The following LAMC1 variants were observed in gnomAD, a reference collection of about 807,000 sequenced individuals.
LAMC1 encodes the protein laminin subunit gamma-1.
LAMC1 carries 38 observed loss-of-function variants against 173.6 expected under a neutral mutation model. The observed-to-expected ratio is 0.22, with a 90% confidence interval of 0.17 to 0.29. The LOEUF is 0.29. Among genes scored for constraint, LAMC1 ranks in the 10% least tolerant of loss-of-function variants. The pLI is 1.00. For missense variants in LAMC1, 1,824 were observed against 2,051.8 expected (o/e 0.89, Z 2.14); for synonymous variants, 746 against 749.1 (o/e 1.00, Z 0.07).
At chr1:183,075,307 G>A (rs1309224510) in intron 1 of LAMC1, among the ~76,000 whole-genome samples, 1 of 151,970 alleles carries the variant, frequency 6.6e-6, no homozygotes, top group Non-Finnish European at 1.5e-5. Context: ...ACAAGGACAG[G>A]GTTTCGCCAT....
Position 183,134,639 on chromosome 1 carries a change from G to GAT in LAMC1, c.3850-20_3850-19dup, listed in dbSNP as rs765922398. 1.3e-4 allele frequency: 202 copies of GAT among 1,599,560 alleles called. 2 individuals are homozygous for GAT. Among genetic ancestry groups the GAT allele is most frequent in the Non-Finnish European group, 2.5e-5 (29 of 1,172,754 alleles). On this transcript the variant is annotated intron_variant, in intron 22 of 27. Coordinates refer to ENST00000258341, the MANE Select transcript of LAMC1 (RefSeq NM_002293.4). ...TTAAATGTTTTATCCAAAGTGTAGT[G>GAT]ATCTTACTTGCTTTTCACAGAATGA...
At position 183,142,720 on chromosome 1, in the gene LAMC1, G is replaced by T. The variant is rs771187282; in HGVS notation, c.4760G>T (p.Arg1587Leu). Reference sequence around the variant, plus strand: ...ATCGAGGAGATCATGAAGGACATTCGCAATCTGGAGGACATCAGGAAGACC... The same window carrying T: ...ATCGAGGAGATCATGAAGGACATTCTCAATCTGGAGGACATCAGGAAGACC... ...RDIEEIMKDIRNLEDIRKTLP... is the reference protein window; with the variant it reads ...RDIEEIMKDILNLEDIRKTLP... The change falls in exon 28 of 28, where the codon CGC becomes CTC. Residue 1587 changes from arginine to leucine, a missense_variant. Physicochemically the swap from Arg to Leu is moderately radical, Grantham distance 102. Transcript: ENST00000258341. 1.2e-6 allele frequency: 2 copies of T among 1,613,848 alleles called. No individual in the cohort carries two copies. Among genetic ancestry groups the T allele is most frequent in the Admixed American group, 1.7e-5 (1 of 59,980 alleles).
intron 1 of LAMC1, among the ~76,000 whole-genome samples, chr1:183,043,845 G>A (rs1411064115): frequency 1.3e-5 from 2 of 152,084 alleles, no homozygotes; most frequent in Non-Finnish European, 2.9e-5. Context: ...GCATAGTTTT[G>A]TGAGAAACCT....
chr1:183,074,299 C>A (rs1187586459), intron 1 of LAMC1, among the ~76,000 whole-genome samples: 6 of 152,128 alleles, frequency 3.9e-5, no homozygotes, highest in African/African-American at 9.7e-5. Context: ...ACGTACAACT[C>A]AGGAAATGCT....
chr1:183,119,554 C>A (rs1193626137), intron 11 of LAMC1, among the ~76,000 whole-genome samples: 1 of 151,956 alleles, frequency 6.6e-6, no homozygotes, highest in South Asian at 2.1e-4. Context: ...GGCAACATGG[C>A]GAAACCACAT....
intron 1 of LAMC1, among the ~76,000 whole-genome samples, chr1:183,054,214 T>C (rs1486360421): frequency 1.3e-5 from 2 of 152,230 alleles, no homozygotes; most frequent in African/African-American, 4.8e-5. Flanking sequence ...ATGCATGGTG[T>C]TGAGTGCTTT....
chr1:183,031,944 A>T (rs951814790), intron 1 of LAMC1, among the ~76,000 whole-genome samples: 1 of 151,868 alleles, frequency 6.6e-6, no homozygotes, highest in Non-Finnish European at 1.5e-5. Flanking sequence ...AGAAAAAAAA[A>T]CACATATGTA....
intron 18 of LAMC1, 36 bp from the exon 19 acceptor site, chr1:183,130,308 G>C: frequency 6.5e-7 from 1 of 1,543,474 alleles, no homozygotes; most frequent in Non-Finnish European, 9.0e-7. Flanking sequence ...ATCCTCTTCA[G>C]ATAATTTACA....
At chr1:183,135,580 T>A (rs1656914738) in intron 24 of LAMC1, among the ~76,000 whole-genome samples, 1 of 152,032 alleles carries the variant, frequency 6.6e-6, no homozygotes, top group African/African-American at 2.4e-5. Context: ...CTTTACAGGA[T>A]GCTTTACAGG....
chr1:183,131,957 A>G (rs1419869152), intron 20 of LAMC1, among the ~76,000 whole-genome samples: 2 of 152,228 alleles, frequency 1.3e-5, no homozygotes, highest in Admixed American at 1.3e-4. Flanking sequence ...CAAATGAATG[A>G]CGTTTTCTAA....
At chr1:183,081,087 C>G (rs1015014502) in intron 1 of LAMC1, among the ~76,000 whole-genome samples, 49 of 151,774 alleles carry the variant, frequency 3.2e-4, no homozygotes, top group African/African-American at 1.1e-3. Flanking sequence ...TGGGATTTCA[C>G]TATCTTGGCC....
intron 1 of LAMC1, among the ~76,000 whole-genome samples, chr1:183,100,463 C>T (rs1571439573): frequency 6.6e-6 from 1 of 152,154 alleles, no homozygotes; most frequent in Non-Finnish European, 1.5e-5. Flanking sequence ...TTCTAGCTAC[C>T]CTAGACAACT....
chr1:183,038,285 C>T (rs189011291), intron 1 of LAMC1, among the ~76,000 whole-genome samples: 4 of 152,254 alleles, frequency 2.6e-5, no homozygotes, highest in Non-Finnish European at 4.4e-5. Flanking sequence ...AGTCACCCAC[C>T]TAAAGTCCTG....
intron 25 of LAMC1, among the ~76,000 whole-genome samples, chr1:183,137,437 T>C (rs1206318651): frequency 6.6e-6 from 1 of 152,128 alleles, no homozygotes; most frequent in African/African-American, 2.4e-5. Flanking sequence ...AAGAAGAGGA[T>C]ACAAATGAAA....
At chr1:183,081,049 C>T (rs756200712) in intron 1 of LAMC1, among the ~76,000 whole-genome samples, 6 of 152,012 alleles carry the variant, frequency 3.9e-5, no homozygotes, top group African/African-American at 9.6e-5. Context: ...CCACCACGCC[C>T]GGCTAATTTT....
chr1:183,074,143 G>A (rs1266714342), intron 1 of LAMC1, among the ~76,000 whole-genome samples: 1 of 151,984 alleles, frequency 6.6e-6, no homozygotes, highest in Non-Finnish European at 1.5e-5. Flanking sequence ...TATTCAAATG[G>A]AATACATAGT....
chr1:183,059,051 A>T (rs1036922468), intron 1 of LAMC1, among the ~76,000 whole-genome samples: 2 of 152,228 alleles, frequency 1.3e-5, no homozygotes, highest in African/African-American at 4.8e-5. Context: ...TTTGTTATGC[A>T]TAGGCAGTTG....
intron 1 of LAMC1, among the ~76,000 whole-genome samples, chr1:183,052,851 C>G (rs891337633): frequency 3.9e-5 from 6 of 152,214 alleles, no homozygotes; most frequent in African/African-American, 1.4e-4. Flanking sequence ...AAATAAAACC[C>G]TTTATTTCCA....
At chr1:183,038,814 G>A (rs1018804494) in intron 1 of LAMC1, among the ~76,000 whole-genome samples, 2 of 152,110 alleles carry the variant, frequency 1.3e-5, no homozygotes, top group Non-Finnish European at 2.9e-5. Context: ...AAGATTTGGA[G>A]TTTAATAGAC....
Sources: allele counts gnomAD v4.1 joint callset (sites outside exome capture counted in the v4.1 genomes callset), GRCh38; gene constraint gnomAD v4.1.1; transcripts MANE v1.5; gene names NCBI Gene and HGNC (gene_info 2026-07-23, HGNC 2026-07-21).